The following TLN1 variants were observed in gnomAD, a reference collection of about 807,000 sequenced individuals.
TLN1 encodes the protein talin-1.
TLN1 carries 56 observed loss-of-function variants against 292.3 expected under a neutral mutation model. That is an observed-to-expected ratio of 0.19 (90% CI 0.15 to 0.24). TLN1 has a LOEUF of 0.24. Among genes scored for constraint, TLN1 ranks in the 10% least tolerant of loss-of-function variants. The pLI, the probability that TLN1 is intolerant of heterozygous loss-of-function variation, is 1.00. For synonymous variants in TLN1, 1,119 were observed against 1,253.7 expected (o/e 0.89, Z 2.27); for missense variants, 2,433 against 3,248.2 (o/e 0.75, Z 6.10).
At position 35,699,300 on chromosome 9, in the gene TLN1, G is replaced by A; in HGVS notation, c.6874+56C>T. 6.4e-7 allele frequency: 1 copy of A among 1,572,738 alleles called. No homozygotes were observed. Among genetic ancestry groups the A allele is most frequent in the Admixed American group, 1.8e-5 (1 of 55,758 alleles). The stretch of plus-strand genomic sequence containing the variant: ...CACAGAGCTGTCCAGCCAGGAAGCA[G>A]AGATCACACCATGATAAGGGTTTTC... On this transcript the variant is annotated intron_variant, in intron 51 of 56. Coordinates refer to ENST00000314888, the MANE Select transcript of TLN1 (RefSeq NM_006289.4). This position sits in a 1 kb window ranked among gnomAD's most constrained non-coding sequence, Gnocchi z 4.0.
chr9:35,703,429 A>G, intron 48 of TLN1, 131 bp downstream of exon 48: 1 of 863,712 alleles, frequency 1.2e-6, no homozygotes. Flanking sequence ...TCTCAAAAAA[A>G]AAGTCTGGCG....
chr9:35,700,119 G>A, intron 49 of TLN1, 38 bp from the exon 50 acceptor site: 1 of 1,594,770 alleles, frequency 6.3e-7, no homozygotes, highest in African/African-American at 1.3e-5. Context: ...AGGCCCCGCA[G>A]ATCCCTACAG....
chr9:35,726,701 G>C (rs1825984566), intron 1 of TLN1, among the ~76,000 whole-genome samples: 1 of 152,206 alleles, frequency 6.6e-6, no homozygotes, highest in Non-Finnish European at 1.5e-5. Flanking sequence ...AAGGAGCCTA[G>C]CCCTGTACTG....
At chr9:35,725,119 T>C (rs1046169597) in intron 3 of TLN1, 105 bp downstream of exon 3, 1 of 1,525,522 alleles carries the variant, frequency 6.6e-7, no homozygotes, top group Non-Finnish European at 9.0e-7. Context: ...GAAGAAAGCA[T>C]GGGGAGGGCT....
In TLN1 at chr9:35,732,028, C is replaced by G. The variant is rs1826090964; in HGVS notation, c.-34+47G>C. On this transcript the variant is annotated intron_variant, in intron 1 of 56. Coordinates refer to ENST00000314888, the MANE Select transcript of TLN1 (RefSeq NM_006289.4). This position sits in a 1 kb window ranked among gnomAD's most constrained non-coding sequence, Gnocchi z 5.1. Reference sequence around the variant, plus strand: ...AGGGCCCGCCCGCCCCGGGGCCAGGCCCCGCGGCCCCACCCTAAGGCCCCC... The same window carrying G: ...AGGGCCCGCCCGCCCCGGGGCCAGGGCCCGCGGCCCCACCCTAAGGCCCCC... The G allele has an allele frequency of 6.5e-6, 1 of 152,728 alleles. No individual in the cohort carries two copies. The highest frequency in any genetic ancestry group is 2.4e-5 in the African/African-American group (1 of 41,392). The allele number at this position is 152,728 out of a possible 1,614,324, so 9.5% of individuals were successfully genotyped here.
At position 35,714,205 on chromosome 9, in the gene TLN1, C is replaced by A; in HGVS notation, c.3120+34G>T. ...ATTTCCTCTCATCACAGGACTCCAG[C>A]CTCATCTTCCAAAGCCAGAACCAGC... On this transcript the variant is annotated intron_variant, in intron 24 of 56. Transcript: ENST00000314888. This position sits in a 1 kb window ranked among gnomAD's most constrained non-coding sequence, Gnocchi z 4.6. 6.3e-7 allele frequency: 1 copy of A among 1,597,082 alleles called. No homozygotes were observed.
rs773346143 is a variant in TLN1 at position 35,717,557 on chromosome 9, G to C, written c.2163+62C>G. ...CCAGAGCCAAAGAAATAAAATGAAA[G>C]GCTCACGTGTGTGTGGTAGTATTAC... On this transcript the variant is annotated intron_variant, in intron 18 of 56. Transcript: ENST00000314888. The surrounding 1 kb of genome is among the most constrained non-coding windows in gnomAD (Gnocchi z 4.7). 1.5e-4 allele frequency: 237 copies of C among 1,580,616 alleles called. 1 individual carries two copies. Among genetic ancestry groups the C allele is most frequent in the Non-Finnish European group, 2.0e-4 (235 of 1,157,976 alleles).
At chr9:35,725,779 GC>G in intron 1 of TLN1, 52 bp from the exon 2 acceptor site, 2 of 1,518,950 alleles carry the variant, frequency 1.3e-6, no homozygotes, top group Non-Finnish European at 9.0e-7. Context: ...GGGAGAAGAG[GC>G]CCCCCAGATG....
In TLN1 at chr9:35,707,121, G is replaced by T. The variant is rs1563940495; in HGVS notation, c.4906C>A (p.His1636Asn). ...DPPSWSVLAG[H>N]SRTVSDSIKK... ...ATGGAGTCTGAGACAGTACGGGAGT[G>T]GCCGGCCAGCACCGACCAGCTCGGG... is the stretch of plus-strand genomic sequence containing the variant. Residue 1636 changes from histidine (H) to asparagine (N), a missense_variant, in exon 37 of 57, where the codon CAC (histidine) becomes AAC (asparagine). Coordinates refer to ENST00000314888, the MANE Select transcript of TLN1 (RefSeq NM_006289.4). This position sits in a 1 kb window ranked among gnomAD's most constrained non-coding sequence, Gnocchi z 5.6. 6.2e-7 allele frequency: 1 copy of T among 1,612,582 alleles called. No homozygotes were observed. The highest frequency in any genetic ancestry group is 8.5e-7 in the Non-Finnish European group (1 of 1,179,674).
At position 35,711,690 on chromosome 9, in the gene TLN1, C is replaced by T. The variant is rs1487880653; in HGVS notation, c.3784G>A (p.Gly1262Arg). ...AATELVQASR[G>R]TPQDLARASG... ...GCTCGAGCCAGGTCCTGAGGGGTTC[C>T]CCGAGAGGCCTGCACCAGTTCTGTG... The change falls in exon 29 of 57, where the codon GGA becomes AGA. Residue 1262 changes from glycine to arginine, a missense_variant. Gly to Arg is a moderately radical substitution (Grantham distance 125). Around this residue, in one of 7 missense-constraint regions of TLN1, gnomAD observed 1,384 missense variants for 1,699.6 expected, o/e 0.81. Coordinates refer to ENST00000314888, the MANE Select transcript of TLN1 (RefSeq NM_006289.4). 2 of 1,614,192 alleles carry T rather than the reference C, an allele frequency of 1.2e-6. No homozygotes were observed. The highest frequency in any genetic ancestry group is 2.2e-5 in the East Asian group (1 of 44,884).
chr9:35,719,743 A>G lies in TLN1; in HGVS notation c.1575T>C (p.Asp525=). The change falls in exon 14 of 57, where the codon GAT becomes GAC. Residue 525 remains aspartate (D), a synonymous_variant. Coordinates refer to ENST00000314888, the MANE Select transcript of TLN1 (RefSeq NM_006289.4). The surrounding 1 kb of genome is among the most constrained non-coding windows in gnomAD (Gnocchi z 4.6). ...CTCTCCTCCATCCCATACTTACAGC[A>G]TCCTGGCCAAGAGGCGGCAGAGTGT... ...DFDTLPPLGQ[D]AASKAWRKNK... 6.2e-7 allele frequency: 1 copy of G among 1,609,882 alleles called. No homozygotes were observed. Among genetic ancestry groups the G allele is most frequent in the East Asian group, 2.2e-5 (1 of 44,764 alleles).
rs763015066 is a variant in TLN1 at position 35,699,197 on chromosome 9, G to T, written c.6875-41C>A. On this transcript the variant is annotated intron_variant, in intron 51 of 56. Transcript: ENST00000314888. This position sits in a 1 kb window ranked among gnomAD's most constrained non-coding sequence, Gnocchi z 4.0. Reference sequence around the variant, plus strand: ...AAGAGGAAAGAGGCTAAGGCAGAGTGGGGAGGTCAAAAGCACCAGGGAGCA... The same window carrying T: ...AAGAGGAAAGAGGCTAAGGCAGAGTTGGGAGGTCAAAAGCACCAGGGAGCA... 1 of 1,585,822 alleles carries T rather than the reference G, an allele frequency of 6.3e-7. No homozygotes were observed. The highest frequency in any genetic ancestry group is 1.1e-5 in the South Asian group (1 of 88,858).
chr9:35,725,686 T>G lies in TLN1; in HGVS notation c.9A>C (p.Ala3=), dbSNP rs757595936. 4 of 1,613,616 alleles carry G rather than the reference T, an allele frequency of 2.5e-6. No homozygotes were observed. Among genetic ancestry groups the G allele is most frequent in the African/African-American group, 1.3e-5 (1 of 74,882 alleles). Residue 3 remains alanine, a synonymous_variant, in exon 2 of 57, where the codon GCA becomes GCC. Transcript: ENST00000314888. MV[A]LSLKISIGNV... ...TCCCAATGCTGATCTTCAGTGAAAGTGCAACCATGGTGGCAGCTTCTTTTC... is the reference window on the plus strand; with the variant it reads ...TCCCAATGCTGATCTTCAGTGAAAGGGCAACCATGGTGGCAGCTTCTTTTC...
Position 35,699,584 on chromosome 9 carries a change from A to T in TLN1, c.6769-123T>A, listed in dbSNP as rs1443825435. 2 of 1,434,320 alleles carry T rather than the reference A, an allele frequency of 1.4e-6. No individual in the cohort carries two copies. The highest frequency in any genetic ancestry group is 1.8e-6 in the Non-Finnish European group (2 of 1,095,598). 88.8% of individuals were successfully genotyped at this position (1,434,320 alleles called of 1,614,324 possible). A position where few individuals can be genotyped will look rare whatever the true frequency, so the allele number is the denominator to read the frequency against. ...TAGAGCACTCCACACCATAGCCCTC[A>T]AACTCCACGCTGCCTATCCAAGTAC... On this transcript the variant is annotated intron_variant, in intron 50 of 56. Transcript: ENST00000314888. The surrounding 1 kb of genome is among the most constrained non-coding windows in gnomAD (Gnocchi z 4.0).
intron 48 of TLN1, among the ~76,000 whole-genome samples, chr9:35,701,206 A>G (rs1220062893): frequency 6.6e-6 from 1 of 152,220 alleles, no homozygotes; most frequent in Non-Finnish European, 1.5e-5. Flanking sequence ...GGGATGGGGC[A>G]CAGAAAGGAA....
Position 35,698,410 on chromosome 9 carries a change from G to A in TLN1, c.7284C>T (p.Ala2428=), listed in dbSNP as rs763683465. 6 of 1,614,180 alleles carry A rather than the reference G, an allele frequency of 3.7e-6. No homozygotes were observed. In the South Asian group the frequency reaches 5.5e-5, roughly 15 times the overall value. Reference sequence around the variant, plus strand: ...GGGCTGTGGAGGCAGCTACCTGCTTGGCTGATGAGATGAGCTTCTCCTGGC... The same window carrying A: ...GGGCTGTGGAGGCAGCTACCTGCTTAGCTGATGAGATGAGCTTCTCCTGGC... The part of the protein sequence containing the change: ...HASQEKLISS[A]KQVAASTAQL... Residue 2428 remains alanine, a synonymous_variant, in exon 55 of 57, where the codon GCC becomes GCT. Coordinates refer to ENST00000314888, the MANE Select transcript of TLN1 (RefSeq NM_006289.4). The surrounding 1 kb of genome is among the most constrained non-coding windows in gnomAD (Gnocchi z 5.3).
In TLN1 at chr9:35,711,657, G is replaced by A. The variant is rs769049864; in HGVS notation, c.3817C>T (p.Arg1273Ter). 3 of 1,614,120 alleles carry A rather than the reference G, an allele frequency of 1.9e-6. No individual in the cohort carries two copies. Among genetic ancestry groups the A allele is most frequent in the Non-Finnish European group, 2.5e-6 (3 of 1,180,028 alleles). ...TPQDLARASG[R>*]FGQDFSTFLE... ...AAGGTGCTGAAGTCCTGTCCAAATC[G>A]GCCTGAGGCTCGAGCCAGGTCCTGA... The change falls in exon 29 of 57, where the codon CGA becomes TGA. Residue 1273 changes from arginine (R) to a stop codon, truncating the protein, a stop_gained. Coordinates refer to ENST00000314888, the MANE Select transcript of TLN1 (RefSeq NM_006289.4). LOFTEE classifies it high-confidence loss of function.
intron 43 of TLN1, 104 bp downstream of exon 43, chr9:35,705,447 C>T (rs1355183942): frequency 1.6e-6 from 2 of 1,237,780 alleles, no homozygotes; most frequent in African/African-American, 1.5e-5. Flanking sequence ...GAGGCTGTTC[C>T]CCTTTCTATG....
chr9:35,701,437 G>A lies in TLN1; in HGVS notation c.6475-1061C>T, dbSNP rs536765129. On this transcript the variant is annotated intron_variant, in intron 48 of 56. Transcript: ENST00000314888. ...GGACAGGCATGGGCCACCTTGCCCA[G>A]CTAATCTTTAAATTTTTTGTAGAGA... Among the ~76,000 whole-genome samples, 4 of 152,296 alleles carry A rather than the reference G, an allele frequency of 2.6e-5. No individual in the cohort carries two copies. In the South Asian group the frequency reaches 8.3e-4, roughly 32 times the overall value.
Sources: gnomAD v4.1 joint callset for allele counts (sites outside exome capture counted in the v4.1 genomes callset) on GRCh38, gnomAD v4.1.1 for gene constraint, gnomAD v4.1.1 regional missense constraint, Gnocchi (gnomAD v3.1) non-coding constraint, MANE v1.5 for transcripts, NCBI Gene and HGNC (gene_info 2026-07-23, HGNC 2026-07-21) for gene names.